BNC2: variants seen among roughly 807,000 people sequenced by gnomAD.
BNC2 encodes the protein basonuclin zinc finger protein 2.
A neutral mutation model predicts 76.3 loss-of-function variants in BNC2; 20 were observed. That is an observed-to-expected ratio of 0.26 (90% CI 0.18 to 0.38). The LOEUF (loss-of-function observed/expected upper bound fraction) is 0.38, where lower values mean the gene tolerates loss of function less well. BNC2 is among the 10% of genes least tolerant of loss of function. The probability of loss-of-function intolerance (pLI) is 1.00; values close to 1 mark genes in which losing one functional copy is unlikely to be tolerated. For missense variants in BNC2, 1,382 were observed against 1,399.8 expected, an observed-to-expected ratio of 0.99 and a Z score of 0.20; for synonymous variants, 582 against 514.8, an observed-to-expected ratio of 1.13 and a Z score of -1.77.
intron 1 of BNC2, among the ~76,000 whole-genome samples, chr9:16,844,382 A>G (rs931089587): frequency 6.6e-6 from 1 of 152,050 alleles, no homozygotes; most frequent in South Asian, 2.1e-4. Flanking sequence ...TCAGTGTTCA[A>G]TCAAGTACAC....
rs1261252377 is a variant in BNC2 at position 16,414,137 on chromosome 9, C to A, written c.*4852G>T. On this transcript the variant is annotated 3_prime_UTR_variant, in exon 7 of 7. Transcript: ENST00000380672. ...AAGGAACTTCAGCTATTTCATGCAG[C>A]TGTACTTGCTTTCCTAACCCCTTCC... 1 of 152,246 alleles carries A rather than the reference C, an allele frequency of 6.6e-6. No homozygotes were observed. Among genetic ancestry groups the A allele is most frequent in the African/African-American group, 2.4e-5 (1 of 41,434 alleles). The allele number at this position is 152,246 out of a possible 1,614,324, so 9.4% of individuals were successfully genotyped here. A position where few individuals can be genotyped will look rare whatever the true frequency, so the allele number is the denominator to read the frequency against.
intron 1 of BNC2, among the ~76,000 whole-genome samples, chr9:16,796,130 A>G (rs1383704688): frequency 4.6e-5 from 7 of 152,252 alleles, no homozygotes; most frequent in African/African-American, 1.7e-4. Context: ...CAGCAGGTAC[A>G]TAAAACAGAG....
chr9:16,622,827 A>T (rs1820900354), intron 3 of BNC2, among the ~76,000 whole-genome samples: 1 of 152,186 alleles, frequency 6.6e-6, no homozygotes, highest in South Asian at 2.1e-4. Context: ...AAACGCATGT[A>T]AAGAACAACA....
intron 5 of BNC2, among the ~76,000 whole-genome samples, chr9:16,529,002 T>C (rs1476485425): frequency 6.6e-6 from 1 of 152,192 alleles, no homozygotes; most frequent in East Asian, 1.9e-4. Context: ...GGAAATAATC[T>C]GTTGCATGCC....
intron 6 of BNC2, among the ~76,000 whole-genome samples, chr9:16,434,392 T>C (rs1261349703): frequency 1.3e-5 from 2 of 152,326 alleles, no homozygotes; most frequent in East Asian, 3.9e-4. Context: ...TGCTTACTAT[T>C]GGTGGCTCTG....
intron 3 of BNC2, among the ~76,000 whole-genome samples, chr9:16,654,524 T>C (rs966831358): frequency 6.6e-6 from 1 of 152,236 alleles, no homozygotes; most frequent in East Asian, 1.9e-4. Flanking sequence ...AAGACAGCTA[T>C]TAATTATGAC....
At chr9:16,459,456 C>T (rs1222238725) in intron 5 of BNC2, among the ~76,000 whole-genome samples, 3 of 152,056 alleles carry the variant, frequency 2.0e-5, no homozygotes, top group South Asian at 2.1e-4. Context: ...GGGTGGGATT[C>T]GAAGGCTCTG....
intron 4 of BNC2, among the ~76,000 whole-genome samples, chr9:16,572,791 T>TTA (rs1819362736): frequency 6.6e-6 from 1 of 152,114 alleles, no homozygotes; most frequent in Non-Finnish European, 1.5e-5. Flanking sequence ...CAGTGGTGAC[T>TTA]CAAGGGACAA....
intron 5 of BNC2, among the ~76,000 whole-genome samples, chr9:16,524,479 G>A (rs932405462): frequency 6.6e-6 from 1 of 151,428 alleles, no homozygotes; most frequent in Admixed American, 6.6e-5. Context: ...CTTGATTCCT[G>A]TTTCCATTTC....
rs753655894 is a variant in BNC2 at position 16,435,718 on chromosome 9, G to A, written c.2476C>T (p.Leu826=). 2.5e-6 allele frequency: 4 copies of A among 1,613,964 alleles called. No homozygotes were observed. The highest frequency in any genetic ancestry group is 1.3e-5 in the African/African-American group (1 of 74,900). ...SPQKFSPEGD[L]CSSPDPKICY... ...ATTTTGGGGTCTGGGCTAGAACATA[G>A]GTCACCTTCTGGGGAGAACTTTTGA... Residue 826 remains leucine, a synonymous_variant, in exon 6 of 7, where the codon CTA becomes TTA. Coordinates refer to ENST00000380672, the MANE Select transcript of BNC2 (RefSeq NM_017637.6).
At chr9:16,465,843 G>C (rs1821694809) in intron 5 of BNC2, among the ~76,000 whole-genome samples, 1 of 151,962 alleles carries the variant, frequency 6.6e-6, no homozygotes, top group Non-Finnish European at 1.5e-5. Flanking sequence ...ATTCAGGCAG[G>C]AGAAGGAAAT....
chr9:16,475,918 A>C (rs1274644213), intron 5 of BNC2: 1 of 152,236 alleles, frequency 6.6e-6, no homozygotes, highest in African/African-American at 2.4e-5. Context: ...ATTTTCCTTC[A>C]TTAGCTCACT....
At chr9:16,762,368 A>G (rs1046954002) in intron 1 of BNC2, among the ~76,000 whole-genome samples, 7 of 152,194 alleles carry the variant, frequency 4.6e-5, no homozygotes, top group Non-Finnish European at 1.0e-4. Context: ...CCCTACCCCC[A>G]AATGTTTTTC....
At chr9:16,602,823 T>A (rs1209708259) in intron 3 of BNC2, among the ~76,000 whole-genome samples, 3 of 152,240 alleles carry the variant, frequency 2.0e-5, no homozygotes, top group Admixed American at 2.0e-4. Flanking sequence ...CATTTCTGTT[T>A]TAACTGCATC....
At chr9:16,828,920 C>T (rs976539466) in intron 1 of BNC2, among the ~76,000 whole-genome samples, 1 of 150,836 alleles carries the variant, frequency 6.6e-6, no homozygotes, top group Non-Finnish European at 1.5e-5. Context: ...TGATGGACAG[C>T]GTATGACTAG....
intron 5 of BNC2, among the ~76,000 whole-genome samples, chr9:16,527,494 C>T (rs1249376164): frequency 6.6e-6 from 1 of 152,128 alleles, no homozygotes; most frequent in Admixed American, 6.5e-5. Flanking sequence ...CAGCTGCCTG[C>T]TTGTGAAGCC....
At chr9:16,667,080 TACACACACACACACACAC>T in intron 3 of BNC2, among the ~76,000 whole-genome samples, 1 of 142,414 alleles carries the variant, frequency 7.0e-6, no homozygotes. Flanking sequence ...CAGATACACA[TACACACACACACACACAC>T]ACACACACAC....
intron 6 of BNC2, chr9:16,421,200 T>C (rs929534849): frequency 9.4e-6 from 11 of 1,173,434 alleles, no homozygotes; most frequent in African/African-American, 1.6e-5. Flanking sequence ...TACAGCACTC[T>C]GGGTTTTAAG....
chr9:16,659,173 C>T (rs775557134), intron 3 of BNC2, among the ~76,000 whole-genome samples: 31 of 151,914 alleles, frequency 2.0e-4, no homozygotes, highest in Non-Finnish European at 3.1e-4. Flanking sequence ...AATGCACACA[C>T]GTGCACTGAC....
Sources: gnomAD v4.1 joint callset for allele counts (sites outside exome capture counted in the v4.1 genomes callset) on GRCh38, gnomAD v4.1.1 for gene constraint, MANE v1.5 for transcripts, NCBI Gene and HGNC (gene_info 2026-07-23, HGNC 2026-07-21) for gene names.